The following BCAS3 variants were observed in gnomAD, a reference collection of about 807,000 sequenced individuals.
BCAS3 encodes BCAS3 microtubule associated cell migration factor, also known as BCAS4/BCAS3 fusion.
BCAS3 carries 53 observed loss-of-function variants against 116.1 expected under a neutral mutation model. That is an observed-to-expected ratio of 0.46 (90% CI 0.37 to 0.57). The LOEUF (loss-of-function observed/expected upper bound fraction) is 0.57. Ranked by LOEUF, BCAS3 falls within the 20% of genes least tolerant of loss-of-function variation. The probability of loss-of-function intolerance (pLI) is 0.00; values close to 1 mark genes in which losing one functional copy is unlikely to be tolerated. For missense variants in BCAS3, 917 were observed against 1,165.4 expected, an observed-to-expected ratio of 0.79 and a Z score of 3.10; for synonymous variants, 391 against 408.2, an observed-to-expected ratio of 0.96 and a Z score of 0.51.
Position 61,226,733 on chromosome 17 carries a change from A to G in BCAS3, c.2426-141594A>G, listed in dbSNP as rs1173127306. On this transcript the variant is annotated intron_variant, in intron 22 of 23. Transcript: ENST00000407086. This position sits in a 1 kb window ranked among gnomAD's most constrained non-coding sequence, Gnocchi z 6.0. ...CTTAGAAACCTTTAATTGACTACCT[A>G]ATATGTGCCAGATACCCATAGCTTT... Among the ~76,000 whole-genome samples the G allele has an allele frequency of 1.3e-5, 2 of 152,162 alleles. No individual in the cohort carries two copies. Among genetic ancestry groups the G allele is most frequent in the African/African-American group, 4.8e-5 (2 of 41,418 alleles).
chr17:60,702,062 T>C (rs1200697166), intron 4 of BCAS3, among the ~76,000 whole-genome samples: 1 of 152,146 alleles, frequency 6.6e-6, no homozygotes, highest in Non-Finnish European at 1.5e-5. Context: ...AAATCTATTA[T>C]AAAAAGTTAA....
At position 61,229,906 on chromosome 17, in the gene BCAS3, C is replaced by T. The variant is rs925549330; in HGVS notation, c.2426-138421C>T. ...TTGGGAGGCCAAGGCGGGCGGTTCA[C>T]CTGAGGTCAGGAGTTCAAGACCAGC... On this transcript the variant is annotated intron_variant, in intron 22 of 23. Coordinates refer to ENST00000407086, the MANE Select transcript of BCAS3 (RefSeq NM_017679.5). The surrounding 1 kb of genome is among the most constrained non-coding windows in gnomAD (Gnocchi z 4.4). 5.9e-5 allele frequency among the ~76,000 whole-genome samples: 9 copies of T among 152,244 alleles called. No homozygotes were observed. Among genetic ancestry groups the T allele is most frequent in the African/African-American group, 2.2e-4 (9 of 41,466 alleles).
At chr17:61,334,674 A>AAAC (rs1345970688) in intron 22 of BCAS3, among the ~76,000 whole-genome samples, 32 of 150,504 alleles carry the variant, frequency 2.1e-4, no homozygotes, top group African/African-American at 5.9e-4. Context: ...CAAAAAAAAA[A>AAAC]AAAAAAAAAA....
rs1447722180 is a variant in BCAS3, at chr17:61,265,398, C to CT, written c.2426-102928dup. 6.7e-6 allele frequency among the ~76,000 whole-genome samples: 1 copy of CT among 150,126 alleles called. No individual in the cohort carries two copies. Among genetic ancestry groups the CT allele is most frequent in the African/African-American group, 2.5e-5 (1 of 40,670 alleles). ...CAGCCTGGGTAACAAGAGTGAAACT[C>CT]TGTCTCAAGAAAAAAAAAAAAAGAA... On this transcript the variant is annotated intron_variant, in intron 22 of 23. Coordinates refer to ENST00000407086, the MANE Select transcript of BCAS3 (RefSeq NM_017679.5). This position sits in a 1 kb window ranked among gnomAD's most constrained non-coding sequence, Gnocchi z 4.3.
intron 7 of BCAS3, among the ~76,000 whole-genome samples, chr17:60,821,551 A>C (rs890361638): frequency 6.6e-6 from 1 of 152,046 alleles, no homozygotes; most frequent in African/African-American, 2.4e-5. Flanking sequence ...CCAATGTTCT[A>C]CTTTCTGTTA....
At chr17:60,999,666 GT>G in intron 15 of BCAS3, among the ~76,000 whole-genome samples, 1 of 152,086 alleles carries the variant, frequency 6.6e-6, no homozygotes, top group East Asian at 1.9e-4. Context: ...TTTTAGAATA[GT>G]TTTTTCTAAT....
In BCAS3 at chr17:60,679,529, C is replaced by T. The variant is rs1395684351; in HGVS notation, c.72C>T (p.Pro24=). The T allele has an allele frequency of 3.7e-6, 6 of 1,612,694 alleles. No homozygotes were observed. Among genetic ancestry groups the T allele is most frequent in the Non-Finnish European group, 5.1e-6 (6 of 1,178,976 alleles). Residue 24 remains proline (P), a synonymous_variant, in exon 2 of 24, where the codon CCC becomes CCT. Transcript: ENST00000407086. ...GTACTGGTGGAGTTGTGGTTCGCCC[C>T]CAGGCTGTCACGTAAGCACATTTCA... The part of the protein sequence containing the change: ...SRCTGGVVVR[P]QAVTEQSYME...
Position 61,367,096 on chromosome 17 carries a change from C to T in BCAS3, c.2426-1231C>T, listed in dbSNP as rs1203979693. Among the ~76,000 whole-genome samples, 1 of 152,226 alleles carries T rather than the reference C, an allele frequency of 6.6e-6. No homozygotes were observed. Among genetic ancestry groups the T allele is most frequent in the Admixed American group, 6.5e-5 (1 of 15,284 alleles). On this transcript the variant is annotated intron_variant, in intron 22 of 23. Coordinates refer to ENST00000407086, the MANE Select transcript of BCAS3 (RefSeq NM_017679.5). This position sits in a 1 kb window ranked among gnomAD's most constrained non-coding sequence, Gnocchi z 6.2. ...GAGTGTGTGCTGACACTGCCCAGCC[C>T]TCACTGCCTGGCGAAGATAGTTTCT...
In BCAS3 at chr17:61,316,126, G is replaced by A. The variant is rs1296071908; in HGVS notation, c.2426-52201G>A. On this transcript the variant is annotated intron_variant, in intron 22 of 23. Coordinates refer to ENST00000407086, the MANE Select transcript of BCAS3 (RefSeq NM_017679.5). This position sits in a 1 kb window ranked among gnomAD's most constrained non-coding sequence, Gnocchi z 5.8. ...TCGAAACCAGCCTGGCCAACATGGC[G>A]AAACCCCCATCTCTACTAAAAATTA... 6.6e-6 allele frequency among the ~76,000 whole-genome samples: 1 copy of A among 151,876 alleles called. No individual in the cohort carries two copies. The highest frequency in any genetic ancestry group is 2.4e-5 in the African/African-American group (1 of 41,338).
At chr17:60,952,809 C>G (rs1448282226) in intron 14 of BCAS3, among the ~76,000 whole-genome samples, 1 of 152,026 alleles carries the variant, frequency 6.6e-6, no homozygotes, top group Non-Finnish European at 1.5e-5. Context: ...TCTGTTCCCT[C>G]TATGTGTCCA....
At position 60,968,237 on chromosome 17, in the gene BCAS3, G is replaced by A. The variant is rs2061763139; in HGVS notation, c.1221+20885G>A. 2.6e-5 allele frequency among the ~76,000 whole-genome samples: 4 copies of A among 151,880 alleles called. 1 individual carries two copies. In the South Asian group the frequency reaches 8.3e-4, roughly 32 times the overall value. ...GTGCATTTTTTTTAATCCTTTTAGA[G>A]TCAGGGCTCATTTTGTTGCCCAGGC... On this transcript the variant is annotated intron_variant, in intron 14 of 23. Coordinates refer to ENST00000407086, the MANE Select transcript of BCAS3 (RefSeq NM_017679.5).
intron 5 of BCAS3, among the ~76,000 whole-genome samples, chr17:60,733,762 G>A (rs968124033): frequency 6.6e-6 from 1 of 152,094 alleles, no homozygotes; most frequent in Non-Finnish European, 1.5e-5. Context: ...TGGGAGAAAT[G>A]CTTGAGCCCA....
chr17:61,344,095 A>G lies in BCAS3; in HGVS notation c.2426-24232A>G, dbSNP rs1168277405. ...AAGACTAGGGCCAGGAGCGTGGGACAGGCTAAGGATGCCGGCTAGCCCCCA... is the reference window on the plus strand; with the variant it reads ...AAGACTAGGGCCAGGAGCGTGGGACGGGCTAAGGATGCCGGCTAGCCCCCA... On this transcript the variant is annotated intron_variant, in intron 22 of 23. Transcript: ENST00000407086. This position sits in a 1 kb window ranked among gnomAD's most constrained non-coding sequence, Gnocchi z 4.1. 6.6e-6 allele frequency among the ~76,000 whole-genome samples: 1 copy of G among 152,160 alleles called. No individual in the cohort carries two copies. The highest frequency in any genetic ancestry group is 1.5e-5 in the Non-Finnish European group (1 of 68,032).
At chr17:60,757,325 TAATAATAAATAAATAAATA>T (rs1191975741) in intron 6 of BCAS3, among the ~76,000 whole-genome samples, 3 of 142,986 alleles carry the variant, frequency 2.1e-5, no homozygotes, top group East Asian at 2.6e-4. Flanking sequence ...AAAAAAATAA[TAATAATAAATAAATAAATA>T]AATAAATAAA....
chr17:60,939,197 G>A (rs1022138511), intron 13 of BCAS3, among the ~76,000 whole-genome samples: 5 of 152,114 alleles, frequency 3.3e-5, no homozygotes, highest in African/African-American at 4.8e-5. Flanking sequence ...TTGGGAGGCC[G>A]AGGTGGGTAG....
chr17:60,701,281 G>A lies in BCAS3; in HGVS notation c.215-7938G>A, dbSNP rs970868759. Among the ~76,000 whole-genome samples the A allele has an allele frequency of 2.6e-5, 4 of 151,958 alleles. No homozygotes were observed. In the East Asian group the frequency reaches 5.8e-4, roughly 22 times the overall value. ...ATAAATAAAAGTCGGAGAGGAGAGC[G>A]ATGAAATCAAGTCGAGGAAGAGGAA... On this transcript the variant is annotated intron_variant, in intron 4 of 23. Coordinates refer to ENST00000407086, the MANE Select transcript of BCAS3 (RefSeq NM_017679.5).
chr17:61,081,481 A>T (rs1171314657), intron 21 of BCAS3, among the ~76,000 whole-genome samples: 2 of 152,214 alleles, frequency 1.3e-5, no homozygotes, highest in Non-Finnish European at 2.9e-5. Context: ...ATTTTGTTTA[A>T]ATCTAAATGA....
rs1253338799 is a variant in BCAS3, at chr17:61,344,689, A to C, written c.2426-23638A>C. ...TTTAAGCTGCAGTTGAGGGATGAGC[A>C]AGGCGAAGATGTAAAGGCCCTGGGG... On this transcript the variant is annotated intron_variant, in intron 22 of 23. Transcript: ENST00000407086. The surrounding 1 kb of genome is among the most constrained non-coding windows in gnomAD (Gnocchi z 4.1). 2.0e-5 allele frequency among the ~76,000 whole-genome samples: 3 copies of C among 152,158 alleles called. No homozygotes were observed.
intron 22 of BCAS3, among the ~76,000 whole-genome samples, chr17:61,090,004 G>A (rs1376477400): frequency 6.6e-6 from 1 of 152,128 alleles, no homozygotes; most frequent in African/African-American, 2.4e-5. Context: ...TGGCCACATA[G>A]CTCCATGGTC....
Sources: gnomAD v4.1 joint callset for allele counts (sites outside exome capture counted in the v4.1 genomes callset) on GRCh38, gnomAD v4.1.1 for gene constraint, Gnocchi (gnomAD v3.1) non-coding constraint, MANE v1.5 for transcripts, NCBI Gene and HGNC (gene_info 2026-07-23, HGNC 2026-07-21) for gene names.